The following MAP3K5 variants were observed in gnomAD, a reference collection of about 807,000 sequenced individuals.
MAP3K5 encodes the protein mitogen-activated protein kinase kinase kinase 5, also known as ASK-1.
MAP3K5 carries 56 observed loss-of-function variants against 158.7 expected under a neutral mutation model. The ratio of observed to expected loss-of-function variants is 0.35; its 90% CI spans 0.28 to 0.44. The LOEUF is 0.44. Among genes scored for constraint, MAP3K5 ranks in the 20% least tolerant of loss-of-function variants. MAP3K5 has a pLI of 1.00. For missense variants in MAP3K5, 1,294 were observed against 1,674.8 expected (o/e 0.77, Z 3.97); for synonymous variants, 579 against 601.7 (o/e 0.96, Z 0.55).
At chr6:136,564,240 G>A (rs1322604304) in intron 26 of MAP3K5, among the ~76,000 whole-genome samples, 3 of 152,144 alleles carry the variant, frequency 2.0e-5, no homozygotes, top group African/African-American at 7.2e-5. Flanking sequence ...CCCCAGGCTC[G>A]ACCCCATTCC....
At chr6:136,792,942 T>A (rs1449182703), upstream of MAP3K5, among the ~76,000 whole-genome samples, 2 of 152,154 alleles carry the variant, frequency 1.3e-5, no homozygotes, top group African/African-American at 4.8e-5. The surrounding 1 kb of genome is among the most constrained non-coding windows in gnomAD (Gnocchi z 5.7). Flanking sequence ...CGGACTGAAC[T>A]GACCGCGCTG....
intron 1 of MAP3K5, among the ~76,000 whole-genome samples, chr6:136,764,717 A>G: frequency 6.6e-6 from 1 of 152,242 alleles, no homozygotes; most frequent in Non-Finnish European, 1.5e-5. Context: ...CACTGTGAAT[A>G]TATAAATTTT....
intron 2 of MAP3K5, among the ~76,000 whole-genome samples, chr6:136,711,667 A>T (rs577387820): frequency 2.6e-5 from 3 of 116,308 alleles, no homozygotes; most frequent in African/African-American, 6.8e-5. Context: ...ACCTCTCAAA[A>T]AAAAAAAGAA....
At chr6:136,633,427 A>G (rs1005151538) in intron 14 of MAP3K5, among the ~76,000 whole-genome samples, 10 of 148,660 alleles carry the variant, frequency 6.7e-5, no homozygotes, top group South Asian at 2.1e-4. Context: ...AAATATATGT[A>G]TATATATATA....
intron 14 of MAP3K5, chr6:136,630,206 T>G (rs1777276505): frequency 2.0e-5 from 3 of 152,264 alleles, no homozygotes; most frequent in Admixed American, 2.0e-4. Flanking sequence ...CTTATTTGTG[T>G]TTATTGTCCG....
chr6:136,579,603 G>C lies in MAP3K5; in HGVS notation c.3517+698C>G, dbSNP rs150325881. Among the ~76,000 whole-genome samples the C allele has an allele frequency of 1.2e-4, 18 of 152,318 alleles. No homozygotes were observed. In the South Asian group the frequency reaches 2.3e-3, roughly 19 times the overall value. ...ATTCCTAGAGAATGTACAACACCAA[G>C]ACTGAACCCTAATGTGAACTATGGA... is the stretch of plus-strand genomic sequence containing the variant. On this transcript the variant is annotated intron_variant, in intron 25 of 29. Coordinates refer to ENST00000359015, the MANE Select transcript of MAP3K5 (RefSeq NM_005923.4).
At chr6:136,688,284 G>A (rs1414806862) in intron 7 of MAP3K5, among the ~76,000 whole-genome samples, 1 of 152,072 alleles carries the variant, frequency 6.6e-6, no homozygotes, top group Non-Finnish European at 1.5e-5. Flanking sequence ...TAGGGGGCTA[G>A]GGGAGGCATA....
intron 7 of MAP3K5, among the ~76,000 whole-genome samples, chr6:136,690,098 T>C (rs746542732): frequency 6.6e-6 from 1 of 152,082 alleles, no homozygotes; most frequent in Non-Finnish European, 1.5e-5. Flanking sequence ...AGAAATAAAA[T>C]ATTTTTAATA....
chr6:136,707,559 G>GA (rs989173654), intron 2 of MAP3K5, among the ~76,000 whole-genome samples: 1 of 116,838 alleles, frequency 8.6e-6, no homozygotes, highest in African/African-American at 4.7e-5. Flanking sequence ...GAGGTACTTG[G>GA]GGGGGGGGGG....
intron 1 of MAP3K5, among the ~76,000 whole-genome samples, chr6:136,757,207 T>C (rs949896415): frequency 3.3e-5 from 5 of 152,206 alleles, no homozygotes; most frequent in African/African-American, 1.2e-4. Flanking sequence ...AAGAGATGCT[T>C]TGCCTTGGTT....
At chr6:136,686,616 C>T (rs1333738986) in intron 7 of MAP3K5, among the ~76,000 whole-genome samples, 3 of 152,076 alleles carry the variant, frequency 2.0e-5, no homozygotes, top group Non-Finnish European at 4.4e-5. Context: ...ACAAGCATTC[C>T]TATTCACCAA....
intron 1 of MAP3K5, among the ~76,000 whole-genome samples, chr6:136,774,359 T>A (rs1784327326): frequency 6.6e-6 from 1 of 151,998 alleles, no homozygotes. Flanking sequence ...AAGGCTGAAG[T>A]GGGAGGATCG....
intron 1 of MAP3K5, among the ~76,000 whole-genome samples, chr6:136,726,009 T>C (rs560485585): frequency 2.0e-5 from 3 of 152,256 alleles, no homozygotes; most frequent in Non-Finnish European, 4.4e-5. Flanking sequence ...TTTATTTCAT[T>C]AATCTATGTG....
intron 9 of MAP3K5, 42 bp downstream of exon 9, chr6:136,659,177 G>A (rs758973137): frequency 1.4e-6 from 2 of 1,474,080 alleles, no homozygotes; most frequent in South Asian, 1.2e-5. Context: ...ACAATATGGA[G>A]CTGTTTATTA....
chr6:136,679,735 T>C (rs930416204), intron 7 of MAP3K5, among the ~76,000 whole-genome samples: 10 of 152,240 alleles, frequency 6.6e-5, no homozygotes, highest in Admixed American at 5.2e-4. Context: ...TGCTGTTTAA[T>C]TGATGAAATA....
At chr6:136,668,724 AG>A (rs1779337603) in intron 8 of MAP3K5, among the ~76,000 whole-genome samples, 1 of 152,212 alleles carries the variant, frequency 6.6e-6, no homozygotes, top group Admixed American at 6.5e-5. Context: ...TACAGATAAA[AG>A]GGACAAAAGC....
chr6:136,687,744 CGG>C (rs1562613863), intron 7 of MAP3K5, among the ~76,000 whole-genome samples: 1 of 152,020 alleles, frequency 6.6e-6, no homozygotes, highest in Non-Finnish European at 1.5e-5. Context: ...CCAGTTAGAA[CGG>C]TGATCATTAA....
chr6:136,734,620 A>C (rs1782376633), intron 1 of MAP3K5, among the ~76,000 whole-genome samples: 1 of 152,150 alleles, frequency 6.6e-6, no homozygotes. Context: ...TTAAGTAATA[A>C]ATCTATTTTA....
intron 23 of MAP3K5, 56 bp downstream of exon 23, chr6:136,592,117 G>C: frequency 6.8e-7 from 1 of 1,469,018 alleles, no homozygotes; most frequent in South Asian, 1.4e-5. Context: ...CAGGCGGTTA[G>C]GACACAGATA....
Sources: allele counts gnomAD v4.1 joint callset (sites outside exome capture counted in the v4.1 genomes callset), GRCh38; gene constraint gnomAD v4.1.1; non-coding constraint Gnocchi (gnomAD v3.1); transcripts MANE v1.5; gene names NCBI Gene and HGNC (gene_info 2026-07-23, HGNC 2026-07-21).